Variants in ANO3 observed in about 807,000 individuals in gnomAD.
The protein encoded by ANO3 is anoctamin 3.
ANO3 carries 99 observed loss-of-function variants against 144.8 expected under a neutral mutation model. That is an observed-to-expected ratio of 0.68 (90% confidence interval 0.58 to 0.81). The LOEUF is 0.81. ANO3 is among the 30% of genes least tolerant of loss of function. The pLI is 0.00. For missense variants in ANO3, 905 were observed against 1,202.2 expected (o/e 0.75, Z 3.66); for synonymous variants, 414 against 392.6 (o/e 1.05, Z -0.64).
At chr11:26,410,941 C>G (rs1302399823) in intron 1 of ANO3, among the ~76,000 whole-genome samples, 1 of 151,976 alleles carries the variant, frequency 6.6e-6, no homozygotes, top group East Asian at 1.9e-4. Context: ...GCCGCTTTGT[C>G]TTTATGCCCT....
chr11:26,646,023 G>A (rs2295), intron 23 of ANO3, among the ~76,000 whole-genome samples: 50,914 of 152,026 alleles, frequency 0.33, 9,356 homozygotes, highest in South Asian at 0.47. Context: ...ACACGAAAGT[G>A]TATAAAGAAA....
At chr11:26,282,625 T>C (rs11029467) in intron 1 of ANO3, among the ~76,000 whole-genome samples, 9,137 of 152,196 alleles carry the variant, frequency 0.06, 502 homozygotes, top group African/African-American at 0.15. Flanking sequence ...TGTGTCATTT[T>C]TAAAAAGCTC....
chr11:26,420,651 G>A (rs1348441350), intron 1 of ANO3, among the ~76,000 whole-genome samples: 2 of 151,992 alleles, frequency 1.3e-5, no homozygotes, highest in East Asian at 3.9e-4. Flanking sequence ...CTCTCCCTTA[G>A]CTATAATTGT....
intron 1 of ANO3, among the ~76,000 whole-genome samples, chr11:26,237,521 GTCA>G (rs755646309): frequency 3.4e-4 from 52 of 151,564 alleles, no homozygotes; most frequent in Admixed American, 2.2e-3. Context: ...ACAACTGACA[GTCA>G]TCATAACACA....
chr11:26,307,757 T>TAAC (rs1554937096), upstream of ANO3, among the ~76,000 whole-genome samples: 18 of 144,840 alleles, frequency 1.2e-4, no homozygotes, highest in Non-Finnish European at 2.6e-4. Flanking sequence ...ATAATAATAA[T>TAAC]AACAATTTAA....
Position 26,476,665 on chromosome 11 carries a change from G to A in ANO3, c.432+13517G>A, listed in dbSNP as rs567063533. On this transcript the variant is annotated intron_variant, in intron 4 of 26. Transcript: ENST00000256737. ...GGGTGGGGAAACAATGTCGGAGGTG[G>A]GGACGACACTACAGTAATACAACTC... Among the ~76,000 whole-genome samples the A allele has an allele frequency of 7.2e-5, 11 of 152,102 alleles. No individual in the cohort carries two copies. In the South Asian group the frequency reaches 2.1e-3, roughly 29 times the overall value.
rs547604007 is a variant in ANO3, at chr11:26,553,908, A to G, written c.1386+563A>G. On this transcript the variant is annotated intron_variant, in intron 13 of 26. Transcript: ENST00000256737. ...AAGTTTAAGAAACACTGAATTCTACATTATTATTTTCGTTTGTAAAACAGT... is the reference window on the plus strand; with the variant it reads ...AAGTTTAAGAAACACTGAATTCTACGTTATTATTTTCGTTTGTAAAACAGT... Among the ~76,000 whole-genome samples, 4 of 152,252 alleles carry G rather than the reference A, an allele frequency of 2.6e-5. No individual in the cohort carries two copies. In the East Asian group the frequency reaches 7.7e-4, roughly 29 times the overall value.
At chr11:26,514,928 G>A (rs904104133) in intron 5 of ANO3, among the ~76,000 whole-genome samples, 11 of 151,840 alleles carry the variant, frequency 7.2e-5, no homozygotes, top group African/African-American at 2.7e-4. Context: ...AAAAAGTCAC[G>A]GTCTTCTCTT....
chr11:26,289,436 T>A (rs1374296722), intron 1 of ANO3, among the ~76,000 whole-genome samples: 1 of 149,168 alleles, frequency 6.7e-6, no homozygotes, highest in Non-Finnish European at 1.5e-5. Flanking sequence ...ATAATAATAA[T>A]CCTTAATATA....
At position 26,468,046 on chromosome 11, in the gene ANO3, C is replaced by T. The variant is rs116158211; in HGVS notation, c.432+4898C>T. Among the ~76,000 whole-genome samples, 544 of 151,926 alleles carry T rather than the reference C, an allele frequency of 3.6e-3. 1 individual carries two copies. Among genetic ancestry groups the T allele is most frequent in the African/African-American group, 0.013 (526 of 41,478 alleles). On this transcript the variant is annotated intron_variant, in intron 4 of 26. Coordinates refer to ENST00000256737, the MANE Select transcript of ANO3 (RefSeq NM_031418.4). ...ACATTTGAAGATAATGAGGTCCTAC[C>T]ACCAAACTGTGTGATCCTCAAAACT...
chr11:26,478,118 A>G (rs1381530720), intron 4 of ANO3, among the ~76,000 whole-genome samples: 1 of 152,128 alleles, frequency 6.6e-6, no homozygotes, highest in East Asian at 1.9e-4. Flanking sequence ...ATAAAATTGT[A>G]TTTCTCGCCC....
Position 26,525,534 on chromosome 11 carries a change from C to T in ANO3, c.693-101C>T, listed in dbSNP as rs1590459276. On this transcript the variant is annotated intron_variant, in intron 6 of 26. Coordinates refer to ENST00000256737, the MANE Select transcript of ANO3 (RefSeq NM_031418.4). ...TCTTAAGTTTCTTAAGCATACGGAA[C>T]TTGGAGTATAGAAATGCTCAATATG... 52 of 869,452 alleles carry T rather than the reference C, an allele frequency of 6.0e-5. No individual in the cohort carries two copies. In the East Asian group the frequency reaches 1.4e-3, roughly 23 times the overall value. The allele number at this position is 869,452 out of a possible 1,614,324, so 53.9% of individuals were successfully genotyped here.
intron 1 of ANO3, among the ~76,000 whole-genome samples, chr11:26,366,061 T>C (rs1001810796): frequency 4.7e-5 from 7 of 150,452 alleles, no homozygotes; most frequent in African/African-American, 1.5e-4. Context: ...TTGTTACATA[T>C]GTATACATGT....
At chr11:26,408,087 C>G (rs1349433820) in intron 1 of ANO3, among the ~76,000 whole-genome samples, 1 of 151,910 alleles carries the variant, frequency 6.6e-6, no homozygotes, top group East Asian at 1.9e-4. Flanking sequence ...GTCTAAAACA[C>G]CAAAAGCAAT....
chr11:26,588,884 C>T (rs1000586758), intron 14 of ANO3, among the ~76,000 whole-genome samples: 1 of 152,164 alleles, frequency 6.6e-6, no homozygotes, highest in Non-Finnish European at 1.5e-5. Context: ...CATTTGGTAA[C>T]AGTGATTCTG....
intron 1 of ANO3, among the ~76,000 whole-genome samples, chr11:26,402,274 T>G (rs1416939639): frequency 6.6e-6 from 1 of 152,040 alleles, no homozygotes; most frequent in Admixed American, 6.6e-5. Context: ...TAAGCATTCC[T>G]TTTTCTCCAC....
chr11:26,496,997 C>T (rs200437819), intron 4 of ANO3, among the ~76,000 whole-genome samples: 10 of 62,102 alleles, frequency 1.6e-4, no homozygotes, highest in East Asian at 4.7e-4. Context: ...TATATATATA[C>T]ACACACAGAC....
intron 1 of ANO3, among the ~76,000 whole-genome samples, chr11:26,415,102 G>A (rs1453453154): frequency 1.3e-5 from 2 of 151,626 alleles, no homozygotes; most frequent in Non-Finnish European, 2.9e-5. Context: ...GGGAGTGAGT[G>A]TGAGACAGTT....
intron 1 of ANO3, among the ~76,000 whole-genome samples, chr11:26,252,550 T>C (rs549884178): frequency 8.5e-5 from 13 of 152,308 alleles, no homozygotes; most frequent in African/African-American, 2.4e-4. Flanking sequence ...CTCTAGTGAA[T>C]GATATTGACC....
Sources: allele counts gnomAD v4.1 joint callset (sites outside exome capture counted in the v4.1 genomes callset), GRCh38; gene constraint gnomAD v4.1.1; transcripts MANE v1.5; gene names NCBI Gene and HGNC (gene_info 2026-07-23, HGNC 2026-07-21).